Variants in SIK2 observed in about 807,000 individuals in gnomAD.
SIK2 encodes salt inducible kinase 2.
Under a neutral mutation model 103.2 loss-of-function variants are expected in SIK2, and 29 were observed. That is an observed-to-expected ratio of 0.28 (90% CI 0.21 to 0.38). SIK2 has a LOEUF of 0.38. Ranked by LOEUF, SIK2 falls within the 10% of genes least tolerant of loss-of-function variation. The probability of loss-of-function intolerance (pLI) is 1.00; values close to 1 mark genes in which losing one functional copy is unlikely to be tolerated. For missense variants in SIK2, 879 were observed against 1,171.0 expected, an observed-to-expected ratio of 0.75 and a Z score of 3.64; for synonymous variants, 412 against 446.1, an observed-to-expected ratio of 0.92 and a Z score of 0.96.
At chr11:111,617,294 G>A (rs1419561109) in intron 2 of SIK2, among the ~76,000 whole-genome samples, 2 of 152,130 alleles carry the variant, frequency 1.3e-5, no homozygotes, top group African/African-American at 2.4e-5. Flanking sequence ...AATTTTTAAC[G>A]AGTAATTCAT....
chr11:111,713,302 C>T (rs564157950), intron 9 of SIK2, among the ~76,000 whole-genome samples: 5 of 152,130 alleles, frequency 3.3e-5, no homozygotes, highest in Non-Finnish European at 4.4e-5. Flanking sequence ...TTAGCATAAG[C>T]GATGTATAGA....
chr11:111,687,968 G>A, intron 3 of SIK2, 33 bp from the exon 4 acceptor site: 1 of 1,599,400 alleles, frequency 6.3e-7, no homozygotes, highest in Non-Finnish European at 8.5e-7. Context: ...TTTTATTTTG[G>A]TGACTAATTC....
At chr11:111,683,766 T>C (rs879027576) in intron 3 of SIK2, among the ~76,000 whole-genome samples, 1 of 152,232 alleles carries the variant, frequency 6.6e-6, no homozygotes, top group African/African-American at 2.4e-5. Context: ...ATAAGGTTTT[T>C]AATGTGAAAC....
At chr11:111,702,313 A>C (rs1378864151) in intron 6 of SIK2, among the ~76,000 whole-genome samples, 2 of 152,218 alleles carry the variant, frequency 1.3e-5, no homozygotes, top group African/African-American at 2.4e-5. Flanking sequence ...AGTCAGGTGC[A>C]GTGGTTTATA....
At chr11:111,613,615 C>T (rs1941759547) in intron 1 of SIK2, among the ~76,000 whole-genome samples, 1 of 152,036 alleles carries the variant, frequency 6.6e-6, no homozygotes, top group Non-Finnish European at 1.5e-5. Flanking sequence ...TTGAGGTGGT[C>T]CAATAATATT....
At chr11:111,697,141 C>A (rs919305848) in intron 4 of SIK2, among the ~76,000 whole-genome samples, 1 of 152,204 alleles carries the variant, frequency 6.6e-6, no homozygotes, top group South Asian at 2.1e-4. Flanking sequence ...TATTCCACTG[C>A]TGCAACTTAG....
At chr11:111,638,666 G>A (rs946621898) in intron 3 of SIK2, among the ~76,000 whole-genome samples, 9 of 151,788 alleles carry the variant, frequency 5.9e-5, no homozygotes, top group African/African-American at 2.2e-4. Flanking sequence ...TCTTATCTCT[G>A]GGAAGATAGT....
intron 8 of SIK2, among the ~76,000 whole-genome samples, chr11:111,707,384 AGGGTTCAGATACATAAACG>A (rs1565377253): frequency 6.6e-6 from 1 of 152,220 alleles, no homozygotes; most frequent in Non-Finnish European, 1.5e-5. Flanking sequence ...AATTTGGCTT[AGGGTTCAGATACATAAACG>A]TGACTTCTTA....
intron 3 of SIK2, chr11:111,672,304 C>T (rs1248938210): frequency 2.3e-6 from 1 of 427,704 alleles, no homozygotes; most frequent in East Asian, 5.3e-5. Flanking sequence ...GCTCAAGGAG[C>T]TGATGCAGGC....
At chr11:111,607,206 T>A (rs1203103235) in intron 1 of SIK2, among the ~76,000 whole-genome samples, 1 of 152,182 alleles carries the variant, frequency 6.6e-6, no homozygotes, top group Admixed American at 6.5e-5. Context: ...GGCTGCTTAC[T>A]TACCCTTAAG....
intron 1 of SIK2, among the ~76,000 whole-genome samples, chr11:111,608,195 A>G (rs1941673558): frequency 1.3e-5 from 2 of 152,246 alleles, no homozygotes; most frequent in African/African-American, 4.8e-5. Context: ...GAAATAGCCT[A>G]TATATCCATT....
intron 3 of SIK2, among the ~76,000 whole-genome samples, chr11:111,644,860 G>T (rs1942234858): frequency 6.6e-6 from 1 of 152,154 alleles, no homozygotes; most frequent in Non-Finnish European, 1.5e-5. Context: ...GAGTAACGCA[G>T]TTGTCCTTCT....
chr11:111,617,253 G>A (rs1213257756), intron 2 of SIK2, among the ~76,000 whole-genome samples: 1 of 152,156 alleles, frequency 6.6e-6, no homozygotes, highest in Non-Finnish European at 1.5e-5. Flanking sequence ...CCACCAACCA[G>A]CCATGGTTTT....
chr11:111,619,621 A>G (rs1413324698), intron 2 of SIK2, among the ~76,000 whole-genome samples: 1 of 152,200 alleles, frequency 6.6e-6, no homozygotes, highest in African/African-American at 2.4e-5. Context: ...CTGGGATTAC[A>G]GGTGTGAGCC....
chr11:111,614,336 G>A (rs191145383), intron 1 of SIK2, among the ~76,000 whole-genome samples: 8 of 152,002 alleles, frequency 5.3e-5, no homozygotes, highest in African/African-American at 1.2e-4. Context: ...AGCCTGCCTC[G>A]GCCTTCCAAA....
In SIK2 at chr11:111,727,022, G is replaced by A. The variant is rs763052033; in HGVS notation, c.*2893G>A. On this transcript the variant is annotated 3_prime_UTR_variant, in exon 15 of 15. Coordinates refer to ENST00000304987, the MANE Select transcript of SIK2 (RefSeq NM_015191.3). ...CTGCAATTCCCAGCTGGGCAAGTGTGTCTCTAGTATCTCCACGCAACTGAT... is the reference window on the plus strand; with the variant it reads ...CTGCAATTCCCAGCTGGGCAAGTGTATCTCTAGTATCTCCACGCAACTGAT... 1 of 1,614,176 alleles carries A rather than the reference G, an allele frequency of 6.2e-7. No individual in the cohort carries two copies. Among genetic ancestry groups the A allele is most frequent in the Non-Finnish European group, 8.5e-7 (1 of 1,180,034 alleles).
chr11:111,717,343 A>G (rs985074502), intron 9 of SIK2, among the ~76,000 whole-genome samples: 1 of 149,282 alleles, frequency 6.7e-6, no homozygotes, highest in Admixed American at 6.6e-5. Flanking sequence ...AAAAAAAAAA[A>G]GCTCAACATG....
intron 9 of SIK2, among the ~76,000 whole-genome samples, chr11:111,717,698 C>T (rs773015403): frequency 3.9e-5 from 6 of 152,138 alleles, no homozygotes; most frequent in Non-Finnish European, 7.3e-5. Flanking sequence ...AACCCAAATG[C>T]CCATCAGTGA....
At chr11:111,709,604 C>T (rs1943442932) in intron 8 of SIK2, among the ~76,000 whole-genome samples, 1 of 152,192 alleles carries the variant, frequency 6.6e-6, no homozygotes, top group Non-Finnish European at 1.5e-5. Context: ...ATAATATCTG[C>T]TTCCTTGGGA....
Sources: allele counts gnomAD v4.1 joint callset (sites outside exome capture counted in the v4.1 genomes callset), GRCh38; gene constraint gnomAD v4.1.1; transcripts MANE v1.5; gene names NCBI Gene and HGNC (gene_info 2026-07-23, HGNC 2026-07-21).